The following TRPM7 variants were observed in gnomAD, a reference collection of about 807,000 sequenced individuals.
TRPM7 encodes LTRPC ion channel family member 7.
TRPM7 carries 134 observed loss-of-function variants against 229.7 expected under a neutral mutation model. The ratio of observed to expected loss-of-function variants is 0.58; its 90% CI spans 0.51 to 0.67. The LOEUF is 0.67. Among genes scored for constraint, TRPM7 ranks in the 30% least tolerant of loss-of-function variants. The pLI is 0.00. For missense variants in TRPM7, 1,901 were observed against 2,210.0 expected, an observed-to-expected ratio of 0.86 and a Z score of 2.80; for synonymous variants, 699 against 715.2, an observed-to-expected ratio of 0.98 and a Z score of 0.36.
intron 36 of TRPM7, among the ~76,000 whole-genome samples, chr15:50,571,733 AC>A (rs60752175): frequency 0.34 from 52,234 of 152,082 alleles, 10,342 homozygotes; most frequent in Admixed American, 0.48. Context: ...ATATATTGCT[AC>A]ATTGTTTAAC....
intron 1 of TRPM7, among the ~76,000 whole-genome samples, chr15:50,679,489 T>A (rs200740367): frequency 1.7e-5 from 2 of 118,842 alleles, no homozygotes; most frequent in African/African-American, 3.4e-5. Flanking sequence ...TATATATATA[T>A]TATATATATG....
intron 4 of TRPM7, among the ~76,000 whole-genome samples, chr15:50,643,756 A>C (rs2061176671): frequency 6.6e-6 from 1 of 152,222 alleles, no homozygotes; most frequent in Non-Finnish European, 1.5e-5. Flanking sequence ...TGAGATCTAC[A>C]GAAATAGCGA....
chr15:50,619,009 T>G (rs2060312114), intron 13 of TRPM7, among the ~76,000 whole-genome samples: 1 of 152,184 alleles, frequency 6.6e-6, no homozygotes, highest in African/African-American at 2.4e-5. Context: ...GTTTTCAGCA[T>G]TTTTACTGGC....
At chr15:50,606,040 G>A (rs1198022996) in intron 20 of TRPM7, among the ~76,000 whole-genome samples, 1 of 152,130 alleles carries the variant, frequency 6.6e-6, no homozygotes, top group Non-Finnish European at 1.5e-5. Flanking sequence ...TAAATGTAAG[G>A]TAGAGACATG....
At position 50,655,000 on chromosome 15, in the gene TRPM7, C is replaced by CAAA. The variant is rs35388005; in HGVS notation, c.122+2778_122+2780dup. ...TGGGCGACAGAGTGACACTCCGTCTCAAAAAAAAAAAAAAAAAGAAAAGAA... is the reference window on the plus strand; with the variant it reads ...TGGGCGACAGAGTGACACTCCGTCTCAAAAAAAAAAAAAAAAAAAAGAAAAGAA... On this transcript the variant is annotated intron_variant, in intron 3 of 38. Transcript: ENST00000646667. 1.6e-3 allele frequency among the ~76,000 whole-genome samples: 109 copies of CAAA among 69,426 alleles called. 2 individuals carry two copies. The highest frequency in any genetic ancestry group is 6.1e-3 in the African/African-American group (105 of 17,184). 45.5% of individuals were successfully genotyped at this position (69,426 alleles called of 152,430 possible). A position where few individuals can be genotyped will look rare whatever the true frequency, so the allele number is the denominator to read the frequency against.
At chr15:50,589,409 T>C (rs2059427469) in intron 27 of TRPM7, among the ~76,000 whole-genome samples, 183 bp downstream of exon 27, 1 of 152,184 alleles carries the variant, frequency 6.6e-6, no homozygotes, top group Admixed American at 6.5e-5. Flanking sequence ...TTTGTACCTT[T>C]TCATGTTCCT....
intron 5 of TRPM7, among the ~76,000 whole-genome samples, chr15:50,641,997 CAAAA>C (rs36020101): frequency 8.2e-5 from 10 of 122,022 alleles, no homozygotes; most frequent in African/African-American, 9.8e-5. Flanking sequence ...GACTCTGTCT[CAAAA>C]AAAAAAAAAA....
chr15:50,635,684 AAAAAAAAG>A (rs796737132), intron 7 of TRPM7, among the ~76,000 whole-genome samples: 14,212 of 93,690 alleles, frequency 0.15, 2,127 homozygotes, highest in Admixed American at 0.28. Flanking sequence ...AAAAAAAAAA[AAAAAAAAG>A]AGGACGGCTG....
At chr15:50,662,861 A>G (rs2061767037) in intron 2 of TRPM7, 106 bp downstream of exon 2, 5 of 808,466 alleles carry the variant, frequency 6.2e-6, no homozygotes, top group African/African-American at 3.5e-5. Flanking sequence ...AAGTAACAGT[A>G]AGTACAAATA....
At chr15:50,569,425 C>T (rs553385676) in intron 38 of TRPM7, among the ~76,000 whole-genome samples, 1 of 152,216 alleles carries the variant, frequency 6.6e-6, no homozygotes, top group South Asian at 2.1e-4. Flanking sequence ...ATTCATTCTC[C>T]AAGTAAAGGC....
chr15:50,686,781 G>C lies in TRPM7; in HGVS notation c.-248C>G. ...GACGCGCCCGCGCCCGCCTCCGCCG[G>C]CGACGGGGCTGGGGACGGACCACGT... On this transcript the variant is annotated 5_prime_UTR_variant, in exon 1 of 39. Transcript: ENST00000646667. The C allele has an allele frequency of 2.3e-6, 1 of 441,408 alleles. No homozygotes were observed. The highest frequency in any genetic ancestry group is 3.9e-6 in the Non-Finnish European group (1 of 254,170). 27.3% of individuals were successfully genotyped at this position (441,408 alleles called of 1,614,324 possible). A position where few individuals can be genotyped will look rare whatever the true frequency, so the allele number is the denominator to read the frequency against.
At chr15:50,593,449 C>T (rs2059555550) in intron 25 of TRPM7, among the ~76,000 whole-genome samples, 168 bp downstream of exon 25, 1 of 152,082 alleles carries the variant, frequency 6.6e-6, no homozygotes, top group African/African-American at 2.4e-5. Flanking sequence ...GACCAACTGA[C>T]TTATATGAAG....
rs2060827622 is a variant in TRPM7, at chr15:50,634,379, T to C, written c.1007+3A>G. 1 of 1,543,506 alleles carries C rather than the reference T, an allele frequency of 6.5e-7. No individual in the cohort carries two copies. The highest frequency in any genetic ancestry group is 1.3e-5 in the South Asian group (1 of 77,898). Reference sequence around the variant, plus strand: ...ATTAATTAAAATGTTGTCATACACTTACCCTCCTTCTTCTGTTTGTTTATG... The same window carrying C: ...ATTAATTAAAATGTTGTCATACACTCACCCTCCTTCTTCTGTTTGTTTATG... On this transcript the variant is annotated splice_donor_region_variant and intron_variant, in intron 8 of 38. Transcript: ENST00000646667.
intron 7 of TRPM7, 126 bp downstream of exon 7, chr15:50,637,296 G>T: frequency 1.2e-6 from 1 of 861,858 alleles, no homozygotes; most frequent in Non-Finnish European, 1.7e-6. Flanking sequence ...ACCACTGTTG[G>T]TTGTTTCATA....
At chr15:50,607,091 T>G in intron 20 of TRPM7, 109 bp downstream of exon 20, 1 of 930,734 alleles carries the variant, frequency 1.1e-6, no homozygotes, top group Non-Finnish European at 1.6e-6. Flanking sequence ...ACTTCTACAA[T>G]GTCATCATAC....
In TRPM7 at chr15:50,602,083, C is replaced by T. The variant is rs181601691; in HGVS notation, c.2988+2783G>A. 2.7e-3 allele frequency among the ~76,000 whole-genome samples: 410 copies of T among 151,876 alleles called. 1 individual carries two copies. The highest frequency in any genetic ancestry group is 9.3e-3 in the African/African-American group (386 of 41,402). Reference sequence around the variant, plus strand: ...ATGCTACTATAAAGACACATGCACACGTATGTTTACTGTGGCACTATTCAC... The same window carrying T: ...ATGCTACTATAAAGACACATGCACATGTATGTTTACTGTGGCACTATTCAC... On this transcript the variant is annotated intron_variant, in intron 21 of 38. Coordinates refer to ENST00000646667, the MANE Select transcript of TRPM7 (RefSeq NM_017672.6).
At chr15:50,606,412 A>G (rs2059921111) in intron 20 of TRPM7, among the ~76,000 whole-genome samples, 1 of 151,854 alleles carries the variant, frequency 6.6e-6, no homozygotes, top group Non-Finnish European at 1.5e-5. Flanking sequence ...ACAAAACCCA[A>G]TATTCATGTA....
intron 10 of TRPM7, among the ~76,000 whole-genome samples, chr15:50,628,472 A>G (rs943556336): frequency 2.0e-5 from 3 of 152,058 alleles, no homozygotes; most frequent in African/African-American, 7.2e-5. Context: ...ACACCCAGCT[A>G]ATTTTTTAAC....
rs529283700 is a variant in TRPM7 at position 50,595,573 on chromosome 15, A to T, written c.3290+682T>A. Among the ~76,000 whole-genome samples, 13 of 152,204 alleles carry T rather than the reference A, an allele frequency of 8.5e-5. No homozygotes were observed. In the South Asian group the frequency reaches 2.1e-3, roughly 24 times the overall value. On this transcript the variant is annotated intron_variant, in intron 23 of 38. Coordinates refer to ENST00000646667, the MANE Select transcript of TRPM7 (RefSeq NM_017672.6). ...GTTATAAAACAGTACATAAAATATA[A>T]AAATAGGCTAGGCACTGTGGCTCAT...
Sources: gnomAD v4.1 joint callset for allele counts (sites outside exome capture counted in the v4.1 genomes callset) on GRCh38, gnomAD v4.1.1 for gene constraint, MANE v1.5 for transcripts, NCBI Gene and HGNC (gene_info 2026-07-23, HGNC 2026-07-21) for gene names.